The following STXBP5L variants were observed in gnomAD, a reference collection of about 807,000 sequenced individuals.
STXBP5L encodes syntaxin binding protein 5L, also known as syntaxin-binding protein 5-like.
Under a neutral mutation model 144.5 loss-of-function variants are expected in STXBP5L, and 65 were observed. That is an observed-to-expected ratio of 0.45 (90% CI 0.37 to 0.55). The LOEUF is 0.55. STXBP5L is among the 20% of genes least tolerant of loss of function. STXBP5L has a pLI of 0.00. For missense variants in STXBP5L, 1,298 were observed against 1,405.5 expected (o/e 0.92, Z 1.22); for synonymous variants, 505 against 469.6 (o/e 1.08, Z -0.97).
chr3:121,349,517 A>G (rs137875548), intron 20 of STXBP5L, among the ~76,000 whole-genome samples: 193 of 151,990 alleles, frequency 1.3e-3, no homozygotes, highest in African/African-American at 4.4e-3. Flanking sequence ...TATCCTTGTT[A>G]ACTTTCTGTC....
At chr3:120,908,494 C>T (rs1708648155) in intron 1 of STXBP5L, among the ~76,000 whole-genome samples, 160 bp downstream of exon 1, 2 of 152,118 alleles carry the variant, frequency 1.3e-5, no homozygotes, top group African/African-American at 4.8e-5. Flanking sequence ...AGCGAGCGCA[C>T]CAGCGCGCGA....
At chr3:121,271,215 A>G (rs2050725834) in intron 18 of STXBP5L, among the ~76,000 whole-genome samples, 1 of 152,212 alleles carries the variant, frequency 6.6e-6, no homozygotes, top group African/African-American at 2.4e-5. Flanking sequence ...CTATATAAGT[A>G]TGAAATCTTA....
intron 20 of STXBP5L, among the ~76,000 whole-genome samples, chr3:121,342,351 T>TA (rs1559994902): frequency 6.6e-6 from 1 of 152,000 alleles, no homozygotes; most frequent in African/African-American, 2.4e-5. Context: ...ATACTATTTT[T>TA]TTATTATTAT....
intron 9 of STXBP5L, among the ~76,000 whole-genome samples, chr3:121,182,332 A>G (rs977803441): frequency 1.3e-5 from 2 of 152,354 alleles, no homozygotes; most frequent in South Asian, 4.1e-4. Context: ...GTCTTAGACT[A>G]TGGTGGAATA....
rs1947617873 is a variant in STXBP5L, at chr3:121,047,674, C to T, written c.470+2139C>T. Reference sequence around the variant, plus strand: ...GTTTTGTCTGAAATAACAACCCCTGCTTTTTTCTGACTGCCATTTGCTTGG... The same window carrying T: ...GTTTTGTCTGAAATAACAACCCCTGTTTTTTTCTGACTGCCATTTGCTTGG... On this transcript the variant is annotated intron_variant, in intron 5 of 26. Coordinates refer to ENST00000471454, the MANE Select transcript of STXBP5L (RefSeq NM_001308330.2). 2.0e-5 allele frequency among the ~76,000 whole-genome samples: 3 copies of T among 152,148 alleles called. No individual in the cohort carries two copies. The South Asian group carries it at 6.2e-4, about 32-fold the overall frequency.
intron 5 of STXBP5L, among the ~76,000 whole-genome samples, chr3:121,051,623 A>C (rs1433752956): frequency 2.0e-5 from 3 of 152,226 alleles, no homozygotes; most frequent in Non-Finnish European, 4.4e-5. Flanking sequence ...AAATGCCCAC[A>C]AGAGAAAGCA....
intron 2 of STXBP5L, 149 bp downstream of exon 2, chr3:120,909,916 C>T (rs1025868150): frequency 1.3e-6 from 1 of 775,264 alleles, no homozygotes; most frequent in Non-Finnish European, 2.0e-6. Context: ...ATCAGTTTGG[C>T]TTAATAGATA....
intron 5 of STXBP5L, among the ~76,000 whole-genome samples, chr3:121,056,960 G>A (rs929351322): frequency 1.4e-4 from 21 of 149,558 alleles, no homozygotes; most frequent in Non-Finnish European, 2.8e-4. Flanking sequence ...TATAAAGAGG[G>A]AAAAAAGCGA....
chr3:121,244,788 T>C (rs2049787297), intron 14 of STXBP5L, among the ~76,000 whole-genome samples: 1 of 151,966 alleles, frequency 6.6e-6, no homozygotes, highest in Non-Finnish European at 1.5e-5. Context: ...ATACTCAAAG[T>C]GCTGAAAGAA....
chr3:121,347,598 T>A (rs2045054998), intron 20 of STXBP5L, among the ~76,000 whole-genome samples: 1 of 152,190 alleles, frequency 6.6e-6, no homozygotes, highest in African/African-American at 2.4e-5. Context: ...GAGCATGGAA[T>A]GTTCTTCCAT....
intron 2 of STXBP5L, among the ~76,000 whole-genome samples, chr3:120,912,350 A>G (rs1708883903): frequency 6.6e-6 from 1 of 152,014 alleles, no homozygotes; most frequent in Middle Eastern, 3.2e-3. Flanking sequence ...ATTTGAAACC[A>G]CAGTAAATAA....
At chr3:121,347,285 G>A (rs1053927178) in intron 20 of STXBP5L, among the ~76,000 whole-genome samples, 1 of 152,050 alleles carries the variant, frequency 6.6e-6, no homozygotes, top group Non-Finnish European at 1.5e-5. Flanking sequence ...TTATTTCTGA[G>A]GGCTCTATTC....
At chr3:121,037,562 AT>A (rs369342281) in intron 3 of STXBP5L, among the ~76,000 whole-genome samples, 24 of 152,094 alleles carry the variant, frequency 1.6e-4, no homozygotes, top group Admixed American at 3.9e-4. Flanking sequence ...ATTTGCCAAC[AT>A]TTTTTATTGG....
chr3:121,031,486 G>A (rs1040561984), intron 3 of STXBP5L, among the ~76,000 whole-genome samples: 2 of 151,956 alleles, frequency 1.3e-5, no homozygotes, highest in African/African-American at 4.8e-5. Context: ...AATCTGTAGG[G>A]CAGGTTGGCA....
intron 19 of STXBP5L, among the ~76,000 whole-genome samples, chr3:121,288,607 T>C (rs1015584724): frequency 1.3e-5 from 2 of 152,240 alleles, no homozygotes; most frequent in African/African-American, 4.8e-5. Context: ...GTTGAGCATT[T>C]TTTCATATGC....
intron 7 of STXBP5L, among the ~76,000 whole-genome samples, chr3:121,144,682 A>G (rs1343376166): frequency 6.6e-6 from 1 of 152,006 alleles, no homozygotes; most frequent in Non-Finnish European, 1.5e-5. Flanking sequence ...TTTTGGCAAT[A>G]GCCAATATGT....
intron 23 of STXBP5L, among the ~76,000 whole-genome samples, chr3:121,411,333 A>G (rs914163079): frequency 6.6e-6 from 1 of 152,108 alleles, no homozygotes; most frequent in African/African-American, 2.4e-5. Context: ...AACCACTTTG[A>G]TAAAGGAAAT....
chr3:121,133,549 G>A (rs182493597), intron 7 of STXBP5L, among the ~76,000 whole-genome samples: 206 of 152,252 alleles, frequency 1.4e-3, no homozygotes, highest in Admixed American at 3.7e-3. Flanking sequence ...CTTCAAAAAT[G>A]TAAGAGAGAT....
At chr3:121,079,117 CAGAG>C (rs1445908225) in intron 5 of STXBP5L, among the ~76,000 whole-genome samples, 12 of 152,236 alleles carry the variant, frequency 7.9e-5, no homozygotes, top group South Asian at 6.2e-4. Context: ...TGTCACCACT[CAGAG>C]AGACCAAAAA....
Sources: gnomAD v4.1 joint callset for allele counts (sites outside exome capture counted in the v4.1 genomes callset) on GRCh38, gnomAD v4.1.1 for gene constraint, MANE v1.5 for transcripts, NCBI Gene and HGNC (gene_info 2026-07-23, HGNC 2026-07-21) for gene names.